SETDB2: variants seen among roughly 807,000 people sequenced by gnomAD.
The protein encoded by SETDB2 is SET domain bifurcated histone lysine methyltransferase 2, also known as histone-lysine N-methyltransferase SETDB2.
Under a neutral mutation model 82.5 loss-of-function variants are expected in SETDB2, and 56 were observed. The ratio of observed to expected loss-of-function variants is 0.68; its 90% CI spans 0.55 to 0.85. The LOEUF (loss-of-function observed/expected upper bound fraction) is 0.85. Ranked by LOEUF, SETDB2 falls within the 40% of genes least tolerant of loss-of-function variation. The pLI, the probability that SETDB2 is intolerant of heterozygous loss-of-function variation, is 0.00. For synonymous variants in SETDB2, 272 were observed against 284.9 expected, an observed-to-expected ratio of 0.95 and a Z score of 0.46; for missense variants, 677 against 816.4, an observed-to-expected ratio of 0.83 and a Z score of 2.08.
At chr13:49,472,329 A>G (rs1420703136) in intron 5 of SETDB2, among the ~76,000 whole-genome samples, 1 of 152,148 alleles carries the variant, frequency 6.6e-6, no homozygotes, top group East Asian at 1.9e-4. Context: ...AGCCTTGCCA[A>G]AAGCTAGATA....
intron 1 of SETDB2, chr13:49,446,529 A>AT (rs1386333986): frequency 8.4e-6 from 3 of 357,306 alleles, no homozygotes; most frequent in Non-Finnish European, 1.6e-5. Context: ...TACATTTGTA[A>AT]TTTTTTAGTG....
chr13:49,480,575 C>G (rs114598352), intron 7 of SETDB2, among the ~76,000 whole-genome samples: 3 of 152,146 alleles, frequency 2.0e-5, no homozygotes, highest in Non-Finnish European at 4.4e-5. Context: ...GCTCTTACCC[C>G]TCTAGTATCA....
At chr13:49,487,541 C>G (rs568191726) in intron 11 of SETDB2, among the ~76,000 whole-genome samples, 64 of 152,268 alleles carry the variant, frequency 4.2e-4, no homozygotes, top group Admixed American at 1.8e-3. Flanking sequence ...TGGGGTCTCA[C>G]TTTGTTGCCC....
At chr13:49,462,914 G>C (rs974660855) in intron 4 of SETDB2, among the ~76,000 whole-genome samples, 3 of 152,168 alleles carry the variant, frequency 2.0e-5, no homozygotes, top group Non-Finnish European at 4.4e-5. Flanking sequence ...TGTAGGGGAG[G>C]AAAAATTTTA....
intron 2 of SETDB2, among the ~76,000 whole-genome samples, chr13:49,455,436 A>C (rs1016160811): frequency 5.3e-5 from 8 of 152,194 alleles, no homozygotes; most frequent in African/African-American, 1.9e-4. Flanking sequence ...ATGATTTTAC[A>C]TGTATTGACC....
At chr13:49,454,936 A>C (rs899874191) in intron 2 of SETDB2, among the ~76,000 whole-genome samples, 7 of 152,094 alleles carry the variant, frequency 4.6e-5, no homozygotes, top group Non-Finnish European at 1.0e-4. Flanking sequence ...GCTTTTGTTT[A>C]TGTGGGTAAC....
At position 49,483,143 on chromosome 13, in the gene SETDB2, A is replaced by G. The variant is rs573830408; in HGVS notation, c.1382+181A>G. Among the ~76,000 whole-genome samples the G allele has an allele frequency of 2.2e-4, 34 of 152,254 alleles. No individual in the cohort carries two copies. The South Asian group carries it at 5.8e-3, about 26-fold the overall frequency. On this transcript the variant is annotated intron_variant, in intron 9 of 13. Coordinates refer to ENST00000611815, the MANE Select transcript of SETDB2 (RefSeq NM_001160308.3). ...AAAATCTAGCCAATATACCATCCTCAGTGTTCCAGTTTTGGAATTTTACCT... is the reference window on the plus strand; with the variant it reads ...AAAATCTAGCCAATATACCATCCTCGGTGTTCCAGTTTTGGAATTTTACCT...
intron 5 of SETDB2, among the ~76,000 whole-genome samples, chr13:49,469,162 G>C (rs903454386): frequency 2.0e-5 from 3 of 152,112 alleles, no homozygotes; most frequent in Non-Finnish European, 4.4e-5. Flanking sequence ...TTATCATCTT[G>C]TACAAATAAA....
At chr13:49,450,798 T>G (rs1468180241) in intron 1 of SETDB2, among the ~76,000 whole-genome samples, 1 of 152,048 alleles carries the variant, frequency 6.6e-6, no homozygotes, top group Non-Finnish European at 1.5e-5. Context: ...TGATCTATTT[T>G]TGACCTATTA....
chr13:49,483,221 A>T (rs1027946529), intron 9 of SETDB2, among the ~76,000 whole-genome samples: 1 of 152,136 alleles, frequency 6.6e-6, no homozygotes, highest in Admixed American at 6.6e-5. Flanking sequence ...GCTGTTTTTT[A>T]AAATTTTCTA....
intron 5 of SETDB2, among the ~76,000 whole-genome samples, chr13:49,468,584 C>G (rs1338259976): frequency 8.1e-6 from 1 of 122,950 alleles, no homozygotes; most frequent in Admixed American, 8.4e-5. Context: ...TTTCAAAAAA[C>G]AAAGAAGTAT....
rs543214014 is a variant in SETDB2 at position 49,485,498 on chromosome 13, T to C, written c.1483-132T>C. 4.2e-4 allele frequency: 283 copies of C among 669,622 alleles called. 1 individual carries two copies. Among genetic ancestry groups the C allele is most frequent in the South Asian group, 4.1e-3 (216 of 53,164 alleles). 41.5% of individuals were successfully genotyped at this position (669,622 alleles called of 1,614,324 possible). A position where few individuals can be genotyped will look rare whatever the true frequency, so the allele number is the denominator to read the frequency against. On this transcript the variant is annotated intron_variant, in intron 10 of 13. Coordinates refer to ENST00000611815, the MANE Select transcript of SETDB2 (RefSeq NM_001160308.3). ...ATTAGTCTAAAGACTCCTTATGATATCAGCTTTGAGGCTTTTCAAAACGAA... is the reference window on the plus strand; with the variant it reads ...ATTAGTCTAAAGACTCCTTATGATACCAGCTTTGAGGCTTTTCAAAACGAA...
At position 49,476,683 on chromosome 13, in the gene SETDB2, T is replaced by C. The variant is rs753734921; in HGVS notation, c.513T>C (p.His171=). 1.9e-6 allele frequency: 3 copies of C among 1,614,188 alleles called. No homozygotes were observed. The South Asian group carries it at 3.3e-5, about 18-fold the overall frequency. The change falls in exon 6 of 14, where the codon CAT becomes CAC. Residue 171 remains histidine (H), a synonymous_variant. Coordinates refer to ENST00000611815, the MANE Select transcript of SETDB2 (RefSeq NM_001160308.3). ...FQRRHAKTNS[H]SSALHVSYKT... is the part of the protein sequence containing the mutation. ...GACGACATGCAAAGACAAACTCTCA[T>C]TCTTCAGCACTCCACGTGAGTTATA... is the stretch of plus-strand genomic sequence containing the variant.
At chr13:49,489,915 C>CT in intron 12 of SETDB2, among the ~76,000 whole-genome samples, 1 of 48,286 alleles carries the variant, frequency 2.1e-5, no homozygotes, top group Non-Finnish European at 6.7e-5. Flanking sequence ...CCGCCCCCCC[C>CT]CCCTTTTTTT....
Position 49,482,851 on chromosome 13 carries a change from G to T in SETDB2, c.1271G>T (p.Cys424Phe), listed in dbSNP as rs1342831193. ...AAAAAGAGGAAATTAGAAGTTGCAT[G>T]TTCAGATTGTGAAGTTGAAGTTCTC... ...FSKKRKLEVA[C>F]SDCEVEVLPL... Residue 424 changes from cysteine to phenylalanine, a missense_variant, in exon 9 of 14, where the codon TGT (cysteine) becomes TTT (phenylalanine). Physicochemically the swap from Cys to Phe is radical, Grantham distance 205. This residue lies in a region of SETDB2 where 420 missense variants were observed against 554.6 expected (regional missense o/e 0.76). Coordinates refer to ENST00000611815, the MANE Select transcript of SETDB2 (RefSeq NM_001160308.3). The T allele has an allele frequency of 1.2e-6, 2 of 1,613,074 alleles. No individual in the cohort carries two copies. Among genetic ancestry groups the T allele is most frequent in the African/African-American group, 1.3e-5 (1 of 75,020 alleles).
At chr13:49,458,042 A>G (rs1034812797) in intron 2 of SETDB2, among the ~76,000 whole-genome samples, 7 of 152,214 alleles carry the variant, frequency 4.6e-5, no homozygotes, top group African/African-American at 9.6e-5. Context: ...GTTGATTATC[A>G]GTGAAAAACC....
At position 49,491,872 on chromosome 13, in the gene SETDB2, T is replaced by A. The variant is rs1958719647; in HGVS notation, c.*23T>A. ...TAAATATGTAACTAACGCCTGTTTGTGAAATTAGCTTATCAGGCTGAAATT... is the reference window on the plus strand; with the variant it reads ...TAAATATGTAACTAACGCCTGTTTGAGAAATTAGCTTATCAGGCTGAAATT... On this transcript the variant is annotated 3_prime_UTR_variant, in exon 14 of 14. Transcript: ENST00000611815. 1.4e-6 allele frequency: 2 copies of A among 1,479,466 alleles called. No individual in the cohort carries two copies. The allele number at this position is 1,479,466 out of a possible 1,614,324, so 91.6% of individuals were successfully genotyped here.
chr13:49,460,159 C>G lies in SETDB2; in HGVS notation c.69C>G (p.Phe23Leu). ...TAGAAGATGATGGAAAAGTGGACTT[C>G]ATTTTTGAACAAGTACAAAATGTGC... ...MELEDDGKVD[F>L]IFEQVQNVLQ... is the part of the protein sequence containing the mutation. Residue 23 changes from phenylalanine (F) to leucine (L), a missense_variant, in exon 3 of 14, where the codon TTC becomes TTG. By Grantham distance (22) the Phe-to-Leu change is conservative. Around this residue, in one of 3 missense-constraint regions of SETDB2, gnomAD observed 243 missense variants for 237.2 expected, o/e 1.02. Coordinates refer to ENST00000611815, the MANE Select transcript of SETDB2 (RefSeq NM_001160308.3). 1 of 1,613,374 alleles carries G rather than the reference C, an allele frequency of 6.2e-7. No individual in the cohort carries two copies. The highest frequency in any genetic ancestry group is 1.3e-5 in the African/African-American group (1 of 74,998).
In SETDB2 at chr13:49,450,330, C is replaced by T. The variant is rs567366832; in HGVS notation, c.-341-1223C>T. 2.0e-5 allele frequency among the ~76,000 whole-genome samples: 3 copies of T among 152,240 alleles called. No individual in the cohort carries two copies. In the South Asian group the frequency reaches 6.2e-4, roughly 32 times the overall value. On this transcript the variant is annotated intron_variant, in intron 1 of 13. Coordinates refer to ENST00000611815, the MANE Select transcript of SETDB2 (RefSeq NM_001160308.3). ...TTGGTGAATTACTCAACTCAGTCTT[C>T]CAGCTTACTAACTGGCTCTTCATGT...
Sources: gnomAD v4.1 joint callset for allele counts (sites outside exome capture counted in the v4.1 genomes callset) on GRCh38, gnomAD v4.1.1 for gene constraint, gnomAD v4.1.1 regional missense constraint, MANE v1.5 for transcripts, NCBI Gene and HGNC (gene_info 2026-07-23, HGNC 2026-07-21) for gene names.